AKAP10: variants seen among roughly 807,000 people sequenced by gnomAD.
The protein encoded by AKAP10 is A-kinase anchoring protein 10.
A neutral mutation model predicts 80.8 loss-of-function variants in AKAP10; 24 were observed. The observed-to-expected ratio is 0.30, with a 90% CI of 0.22 to 0.42. The LOEUF (loss-of-function observed/expected upper bound fraction) is 0.42, where lower values mean the gene tolerates loss of function less well. AKAP10 is among the 10% of genes least tolerant of loss of function. AKAP10 has a pLI of 1.00. For synonymous variants in AKAP10, 291 were observed against 277.7 expected (o/e 1.05, Z -0.48); for missense variants, 661 against 794.9 (o/e 0.83, Z 2.03).
intron 3 of AKAP10, among the ~76,000 whole-genome samples, chr17:19,960,012 T>G (rs2043329118): frequency 6.6e-6 from 1 of 152,284 alleles, no homozygotes; most frequent in South Asian, 2.1e-4. Flanking sequence ...TTTAGGAGGC[T>G]GGGGCAGGCG....
intron 4 of AKAP10, among the ~76,000 whole-genome samples, chr17:19,952,172 A>G: frequency 6.6e-6 from 1 of 152,006 alleles, no homozygotes; most frequent in Admixed American, 6.5e-5. Context: ...GATTAAAAAT[A>G]ACATGACTCA....
At chr17:19,923,619 C>T (rs934387595) in intron 11 of AKAP10, among the ~76,000 whole-genome samples, 2 of 151,998 alleles carry the variant, frequency 1.3e-5, no homozygotes, top group Non-Finnish European at 2.9e-5. Context: ...CTCCGCCTCC[C>T]GGGCTCACGC....
At chr17:19,924,974 G>A (rs1467702790) in intron 10 of AKAP10, among the ~76,000 whole-genome samples, 2 of 152,034 alleles carry the variant, frequency 1.3e-5, no homozygotes, top group African/African-American at 4.8e-5. Flanking sequence ...GGCCAGCATG[G>A]TCAATATGGT....
At chr17:19,949,637 G>A (rs572313881) in intron 4 of AKAP10, among the ~76,000 whole-genome samples, 23 of 151,400 alleles carry the variant, frequency 1.5e-4, no homozygotes, top group African/African-American at 3.9e-4. Context: ...GCATGGTGGC[G>A]CGCACCTGTA....
intron 4 of AKAP10, among the ~76,000 whole-genome samples, chr17:19,947,822 C>T (rs2043151804): frequency 6.6e-6 from 1 of 152,122 alleles, no homozygotes; most frequent in East Asian, 1.9e-4. Context: ...GAGAAAACAT[C>T]AGTTTGAAGA....
intron 4 of AKAP10, among the ~76,000 whole-genome samples, chr17:19,954,625 C>T (rs1486810809): frequency 1.3e-5 from 2 of 150,930 alleles, no homozygotes; most frequent in African/African-American, 4.9e-5. Context: ...GCTGGGACTA[C>T]AGGTGCCCGC....
chr17:19,909,897 A>T (rs2042670636), intron 13 of AKAP10, 29 bp downstream of exon 13: 1 of 1,607,952 alleles, frequency 6.2e-7, no homozygotes, highest in South Asian at 1.1e-5. Flanking sequence ...TATAAACAGA[A>T]ATCTTTTTAT....
At chr17:19,921,672 TTTTTTTCAAAAA>T (rs1246674840) in intron 11 of AKAP10, among the ~76,000 whole-genome samples, 2 of 150,950 alleles carry the variant, frequency 1.3e-5, no homozygotes, top group Non-Finnish European at 2.9e-5. Context: ...TTCATTTCAT[TTTTTTTCAAAAA>T]TTTTTTCAAA....
chr17:19,922,039 G>A (rs979912453), intron 11 of AKAP10, among the ~76,000 whole-genome samples: 3 of 152,182 alleles, frequency 2.0e-5, no homozygotes, highest in Admixed American at 2.0e-4. Flanking sequence ...AATGATTACT[G>A]TGAGTAGGAA....
intron 12 of AKAP10, among the ~76,000 whole-genome samples, chr17:19,917,080 T>G (rs1466524077): frequency 6.6e-6 from 1 of 151,556 alleles, no homozygotes; most frequent in Non-Finnish European, 1.5e-5. Context: ...CTGGCTGACA[T>G]GGTGAAACCC....
intron 10 of AKAP10, 76 bp downstream of exon 10, chr17:19,931,729 T>C: frequency 1.4e-6 from 2 of 1,459,950 alleles, no homozygotes; most frequent in South Asian, 1.3e-5. Context: ...TTACAAATAA[T>C]AGGATCTGTT....
Position 19,905,118 on chromosome 17 carries a change from C to T in AKAP10, c.*1109G>A, listed in dbSNP as rs560201292. On this transcript the variant is annotated 3_prime_UTR_variant, in exon 15 of 15. Transcript: ENST00000225737. The stretch of plus-strand genomic sequence containing the variant: ...ATCATGTGCATTGAGGAAGCGCTGG[C>T]GCCACGTGGTCAATGGAGTGTGCTC... The T allele has an allele frequency of 1.4e-3, 215 of 151,746 alleles. 1 individual carries two copies. Among genetic ancestry groups the T allele is most frequent in the African/African-American group, 4.8e-3 (197 of 41,358 alleles). The allele number at this position is 151,746 out of a possible 1,614,324, so 9.4% of individuals were successfully genotyped here.
intron 4 of AKAP10, among the ~76,000 whole-genome samples, chr17:19,952,456 C>T (rs2043226304): frequency 1.3e-5 from 2 of 149,868 alleles, no homozygotes; most frequent in Non-Finnish European, 3.0e-5. Context: ...AAGAGCAAAA[C>T]TCTGTCTCAA....
At chr17:19,941,080 C>T in intron 6 of AKAP10, 70 bp from the exon 7 acceptor site, 2 of 1,494,868 alleles carry the variant, frequency 1.3e-6, no homozygotes, top group Middle Eastern at 3.6e-4. Context: ...AAAATATACT[C>T]TTTCCATACT....
chr17:19,907,039 C>T (rs1418238510), intron 14 of AKAP10, among the ~76,000 whole-genome samples: 10 of 150,132 alleles, frequency 6.7e-5, no homozygotes, highest in African/African-American at 2.2e-4. Context: ...TTTTTTGAGA[C>T]GGAGTTTCAC....
rs1393719221 is a variant in AKAP10, at chr17:19,924,510, A to G, written c.1649T>C (p.Val550Ala). Residue 550 changes from valine (V) to alanine (A), a missense_variant, in exon 11 of 15, where the codon GTG becomes GCG. Val to Ala is a moderately conservative substitution (Grantham distance 64). Coordinates refer to ENST00000225737, the MANE Select transcript of AKAP10 (RefSeq NM_007202.4). Reference sequence around the variant, plus strand: ...CAGTATTTTAATACTGGCTTTTTTCACACTGGACTACAATAGAAATTGTAA... The same window carrying G: ...CAGTATTTTAATACTGGCTTTTTTCGCACTGGACTACAATAGAAATTGTAA... ...SSDSSASQSS[V>A]KKASIKILKN... is the part of the protein sequence containing the mutation. 6.3e-7 allele frequency: 1 copy of G among 1,588,628 alleles called. No homozygotes were observed. Among genetic ancestry groups the G allele is most frequent in the African/African-American group, 1.3e-5 (1 of 74,158 alleles).
chr17:19,963,129 T>G lies in AKAP10; in HGVS notation c.137-107A>C, dbSNP rs892265947. ...TAAAAATTAAATTTTGTAACATTAC[T>G]CTTAAGTCAGCATACTCAGCAAAAA... is the stretch of plus-strand genomic sequence containing the variant. On this transcript the variant is annotated intron_variant, in intron 2 of 14. Transcript: ENST00000225737. The G allele has an allele frequency of 6.2e-6, 6 of 965,828 alleles. No homozygotes were observed. In the Admixed American group the frequency reaches 1.8e-4, roughly 29 times the overall value. 59.8% of individuals were successfully genotyped at this position (965,828 alleles called of 1,614,324 possible). A position where few individuals can be genotyped will look rare whatever the true frequency, so the allele number is the denominator to read the frequency against.
rs1444000929 is a variant in AKAP10 at position 19,925,276 on chromosome 17, T to C, written c.1642-759A>G. 2.6e-5 allele frequency among the ~76,000 whole-genome samples: 4 copies of C among 152,200 alleles called. No homozygotes were observed. In the South Asian group the frequency reaches 8.3e-4, roughly 31 times the overall value. On this transcript the variant is annotated intron_variant, in intron 10 of 14. Transcript: ENST00000225737. ...TACTCACAGCATTATTTCTTCAATATGAAAAGCTGTCATACATCCAGAAAT... is the reference window on the plus strand; with the variant it reads ...TACTCACAGCATTATTTCTTCAATACGAAAAGCTGTCATACATCCAGAAAT...
At chr17:19,934,538 T>C (rs554192092) in intron 9 of AKAP10, among the ~76,000 whole-genome samples, 17 of 152,308 alleles carry the variant, frequency 1.1e-4, no homozygotes, top group Admixed American at 2.0e-4. Flanking sequence ...TCTCTAATTA[T>C]TTAAAAATAC....
Sources: allele counts gnomAD v4.1 joint callset (sites outside exome capture counted in the v4.1 genomes callset), GRCh38; gene constraint gnomAD v4.1.1; transcripts MANE v1.5; gene names NCBI Gene and HGNC (gene_info 2026-07-23, HGNC 2026-07-21).